The following PRKCQ variants were observed in gnomAD, a reference collection of about 807,000 sequenced individuals.
The protein encoded by PRKCQ is protein kinase C theta.
PRKCQ carries 41 observed loss-of-function variants against 91.2 expected under a neutral mutation model. The observed-to-expected ratio is 0.45, with a 90% CI of 0.35 to 0.58. The LOEUF (loss-of-function observed/expected upper bound fraction) is 0.58, where lower values mean the gene tolerates loss of function less well. Ranked by LOEUF, PRKCQ falls within the 20% of genes least tolerant of loss-of-function variation. The pLI, the probability that PRKCQ is intolerant of heterozygous loss-of-function variation, is 0.00. For missense variants in PRKCQ, 673 were observed against 896.5 expected, an observed-to-expected ratio of 0.75 and a Z score of 3.18; for synonymous variants, 307 against 316.9, an observed-to-expected ratio of 0.97 and a Z score of 0.33.
intron 1 of PRKCQ, among the ~76,000 whole-genome samples, chr10:6,523,834 TC>T (rs974385526): frequency 2.0e-5 from 3 of 152,182 alleles, no homozygotes; most frequent in African/African-American, 7.2e-5. Flanking sequence ...AAAGCCTAAT[TC>T]TTAACCTGTT....
chr10:6,398,940 AGTTTTCT>A, the PRKCQ span, among the ~76,000 whole-genome samples: 1 of 152,080 alleles, frequency 6.6e-6, no homozygotes, highest in East Asian at 1.9e-4. Context: ...AATTTTATAG[AGTTTTCT>A]GTAGGATTTC....
intron 12 of PRKCQ, among the ~76,000 whole-genome samples, chr10:6,474,947 A>T (rs1446934772): frequency 6.6e-6 from 1 of 152,180 alleles, no homozygotes; most frequent in South Asian, 2.1e-4. Context: ...AGACTTTGTA[A>T]GACAGAAAAT....
At chr10:6,413,021 C>T in the PRKCQ span, among the ~76,000 whole-genome samples, 117 of 152,250 alleles carry the variant, frequency 7.7e-4, no homozygotes, top group African/African-American at 2.7e-3. Flanking sequence ...GGCTCCATCT[C>T]GGCTCACTGC....
chr10:6,441,454 T>A (rs1007296675), intron 16 of PRKCQ, among the ~76,000 whole-genome samples: 2 of 100,554 alleles, frequency 2.0e-5, no homozygotes, highest in East Asian at 7.9e-4. Context: ...AATGCCCATT[T>A]TGTTTCTTTT....
Position 6,430,010 on chromosome 10 carries a change from A to G in PRKCQ, c.1965+800T>C, listed in dbSNP as rs769416730. 1.4e-4 allele frequency among the ~76,000 whole-genome samples: 21 copies of G among 152,156 alleles called. No individual in the cohort carries two copies. The highest frequency in any genetic ancestry group is 2.9e-4 in the Non-Finnish European group (20 of 68,010). ...GCCAGGATTATAGGCGCCCGCAACC[A>G]TGCCCAGCTAATTTTTGTATTTTTA... On this transcript the variant is annotated intron_variant, in intron 17 of 17. Transcript: ENST00000263125. The surrounding 1 kb of genome is among the most constrained non-coding windows in gnomAD (Gnocchi z 4.7).
At chr10:6,504,172 A>G (rs1423934232) in intron 4 of PRKCQ, among the ~76,000 whole-genome samples, 3 of 152,234 alleles carry the variant, frequency 2.0e-5, no homozygotes, top group African/African-American at 7.2e-5. Flanking sequence ...TCTCTGCAAC[A>G]GTATTTTCTT....
At chr10:6,472,005 G>A (rs908504760) in intron 12 of PRKCQ, among the ~76,000 whole-genome samples, 1 of 152,108 alleles carries the variant, frequency 6.6e-6, no homozygotes, top group Non-Finnish European at 1.5e-5. Flanking sequence ...AGATCTGTGA[G>A]CTTAAAAAGT....
intron 14 of PRKCQ, among the ~76,000 whole-genome samples, chr10:6,462,027 A>G: frequency 6.6e-6 from 1 of 152,234 alleles, no homozygotes; most frequent in Non-Finnish European, 1.5e-5. Flanking sequence ...AGAAAACAGG[A>G]CAGTGAAAAT....
At chr10:6,451,058 G>T (rs375260286) in intron 15 of PRKCQ, among the ~76,000 whole-genome samples, 9 of 151,100 alleles carry the variant, frequency 6.0e-5, no homozygotes, top group Non-Finnish European at 1.2e-4. Flanking sequence ...CTAGCAGAAG[G>T]CAAGAAATAA....
rs1838255033 is a variant in PRKCQ, at chr10:6,507,426, T to C, written c.379+10A>G. 1 of 1,612,020 alleles carries C rather than the reference T, an allele frequency of 6.2e-7. No homozygotes were observed. Among genetic ancestry groups the C allele is most frequent in the African/African-American group, 1.3e-5 (1 of 74,888 alleles). On this transcript the variant is annotated intron_variant, in intron 4 of 17. Coordinates refer to ENST00000263125, the MANE Select transcript of PRKCQ (RefSeq NM_006257.5). Reference sequence around the variant, plus strand: ...CTCACCCCCAAACAGGAAGAAGAAATGTCACTTGCCACTCATTTCCAGAAA... The same window carrying C: ...CTCACCCCCAAACAGGAAGAAGAAACGTCACTTGCCACTCATTTCCAGAAA...
At chr10:6,431,121 T>C (rs1833398918) in intron 16 of PRKCQ, among the ~76,000 whole-genome samples, 183 bp from the exon 17 acceptor site, 1 of 152,186 alleles carries the variant, frequency 6.6e-6, no homozygotes, top group African/African-American at 2.4e-5. Context: ...CTTTCTAAAT[T>C]TGCTGGAGTC....
chr10:6,506,750 A>C (rs1307389274), intron 4 of PRKCQ, among the ~76,000 whole-genome samples: 2 of 152,328 alleles, frequency 1.3e-5, no homozygotes, highest in East Asian at 3.9e-4. Context: ...TAGTAAAATT[A>C]ATTTAGGAAA....
Position 6,427,344 on chromosome 10 carries a change from A to C in PRKCQ, c.*863T>G, listed in dbSNP as rs541212195. On this transcript the variant is annotated 3_prime_UTR_variant, in exon 18 of 18. Coordinates refer to ENST00000263125, the MANE Select transcript of PRKCQ (RefSeq NM_006257.5). ...CCTACGGAGGGGCTTATGAGTCATGAAATCACCAGTCATGGCACGAGAAGG... is the reference window on the plus strand; with the variant it reads ...CCTACGGAGGGGCTTATGAGTCATGCAATCACCAGTCATGGCACGAGAAGG... 3 of 152,166 alleles carry C rather than the reference A, an allele frequency of 2.0e-5. No individual in the cohort carries two copies. Among genetic ancestry groups the C allele is most frequent in the Non-Finnish European group, 4.4e-5 (3 of 68,036 alleles). The allele number at this position is 152,166 out of a possible 1,614,324, so 9.4% of individuals were successfully genotyped here.
At chr10:6,550,905 T>G (rs1840158711) in intron 1 of PRKCQ, among the ~76,000 whole-genome samples, 1 of 152,232 alleles carries the variant, frequency 6.6e-6, no homozygotes, top group Non-Finnish European at 1.5e-5. Flanking sequence ...GCCATCCTAA[T>G]GGGTTCAAGG....
rs767323693 is a variant in PRKCQ, at chr10:6,486,038, T to C, written c.897A>G (p.Gln299=). ...AEALAMIEST[Q]QARCLRDTEQ... ...TGTCCACGGCACATGCTCCTACCTG[T>C]TGAGTGCTCTCAATCATGGCCAGCG... Residue 299 remains glutamine (Q), a synonymous_variant, in exon 9 of 18, where the codon CAA becomes CAG. Coordinates refer to ENST00000263125, the MANE Select transcript of PRKCQ (RefSeq NM_006257.5). The C allele has an allele frequency of 1.2e-6, 2 of 1,613,562 alleles. No homozygotes were observed. Among genetic ancestry groups the C allele is most frequent in the South Asian group, 2.2e-5 (2 of 91,068 alleles).
intron 16 of PRKCQ, among the ~76,000 whole-genome samples, chr10:6,434,176 G>T (rs1466504911): frequency 4.6e-5 from 7 of 152,110 alleles, no homozygotes; most frequent in Non-Finnish European, 8.8e-5. Context: ...GATGGCGTAA[G>T]TGTCTCAGGA....
At chr10:6,474,156 G>A (rs536709498) in intron 12 of PRKCQ, among the ~76,000 whole-genome samples, 1 of 152,326 alleles carries the variant, frequency 6.6e-6, no homozygotes, top group African/African-American at 2.4e-5. Flanking sequence ...AAGTGATATT[G>A]ACCAAGAATG....
At chr10:6,458,395 C>T (rs1285978458) in intron 14 of PRKCQ, among the ~76,000 whole-genome samples, 1 of 152,144 alleles carries the variant, frequency 6.6e-6, no homozygotes, top group Non-Finnish European at 1.5e-5. Flanking sequence ...TATTCTGAGG[C>T]ATGTCATGCT....
At chr10:6,483,763 T>C (rs2130779651) in intron 10 of PRKCQ, among the ~76,000 whole-genome samples, 163 bp from the exon 11 acceptor site, 1 of 152,296 alleles carries the variant, frequency 6.6e-6, no homozygotes, top group Non-Finnish European at 1.5e-5. Flanking sequence ...TTAATACCTT[T>C]CCATCTGTCT....
Sources: allele counts gnomAD v4.1 joint callset (sites outside exome capture counted in the v4.1 genomes callset), GRCh38; gene constraint gnomAD v4.1.1; non-coding constraint Gnocchi (gnomAD v3.1); transcripts MANE v1.5; gene names NCBI Gene and HGNC (gene_info 2026-07-23, HGNC 2026-07-21).